The following CMTM1 variants were observed in gnomAD, a reference collection of about 807,000 sequenced individuals.
CMTM1 encodes the protein CKLF-like MARVEL transmembrane domain-containing protein 1.
CMTM1 carries 16 observed loss-of-function variants against 17.8 expected under a neutral mutation model. The ratio of observed to expected loss-of-function variants is 0.90; its 90% CI spans 0.61 to 1.37. CMTM1 has a LOEUF of 1.37. CMTM1 is among the 40% of genes most tolerant of loss of function. CMTM1 has a pLI of 0.00. For missense variants in CMTM1, 354 were observed against 375.6 expected (o/e 0.94, Z 0.47); for synonymous variants, 169 against 154.6 (o/e 1.09, Z -0.69).
chr16:66,570,278 A>C (rs781517149), intron 2 of CMTM1, among the ~76,000 whole-genome samples, 184 bp downstream of exon 2: 1 of 152,148 alleles, frequency 6.6e-6, no homozygotes, highest in Non-Finnish European at 1.5e-5. Context: ...AGGACAGCCA[A>C]CACACCGCTG....
intron 1 of CMTM1, among the ~76,000 whole-genome samples, chr16:66,568,533 A>C (rs1185239228): frequency 6.6e-6 from 1 of 152,174 alleles, no homozygotes; most frequent in Non-Finnish European, 1.5e-5. Flanking sequence ...TGATGCCTAC[A>C]CCATGAGTCA....
chr16:66,577,030 G>GTAAT lies in CMTM1; in HGVS notation c.592-72_592-69dup. 4 of 1,374,086 alleles carry GTAAT rather than the reference G, an allele frequency of 2.9e-6. No individual in the cohort carries two copies. In the South Asian group the frequency reaches 5.1e-5, roughly 17 times the overall value. The allele number at this position is 1,374,086 out of a possible 1,614,324, so 85.1% of individuals were successfully genotyped here. A position where few individuals can be genotyped will look rare whatever the true frequency, so the allele number is the denominator to read the frequency against. On this transcript the variant is annotated intron_variant, in intron 2 of 3. Coordinates refer to ENST00000379500, the MANE Select transcript of CMTM1 (RefSeq NM_052999.4). Reference sequence around the variant, plus strand: ...TTTAAAGGCATCTATTCTTAGATGTGTAATTGACCAGTTTAAATATTTGTG... The same window carrying GTAAT: ...TTTAAAGGCATCTATTCTTAGATGTGTAATTAATTGACCAGTTTAAATATTTGTG...
Position 66,578,923 on chromosome 16 carries a change from C to A in CMTM1, c.783C>A (p.Val261=). The change falls in exon 4 of 4, where the codon GTC becomes GTA. Residue 261 remains valine, a synonymous_variant. Coordinates refer to ENST00000379500, the MANE Select transcript of CMTM1 (RefSeq NM_052999.4). ...MRTNLKRFLG[V]EVERKLSPAK... is the part of the protein sequence containing the mutation. The stretch of plus-strand genomic sequence containing the variant: ...CCAACTTGAAAAGATTCCTGGGAGT[C>A]GAAGTTGAAAGGAAGCTTTCCCCCG... 6.2e-7 allele frequency: 1 copy of A among 1,614,144 alleles called. No individual in the cohort carries two copies. The highest frequency in any genetic ancestry group is 8.5e-7 in the Non-Finnish European group (1 of 1,180,020).
rs201681581 is a variant in CMTM1 at position 66,566,484 on chromosome 16, G to A, written c.-30G>A. ...AGAGCCAGCCGCTGCCGCGGCACTG[G>A]TTCAGACGGCCAGGCCCTAGGGACC... On this transcript the variant is annotated 5_prime_UTR_variant, in exon 1 of 4. Coordinates refer to ENST00000379500, the MANE Select transcript of CMTM1 (RefSeq NM_052999.4). This position sits in a 1 kb window ranked among gnomAD's most constrained non-coding sequence, Gnocchi z 4.9. 8.6e-4 allele frequency: 1,348 copies of A among 1,559,382 alleles called. 5 individuals are homozygous for A. Among genetic ancestry groups the A allele is most frequent in the South Asian group, 2.0e-3 (166 of 84,028 alleles).
intron 3 of CMTM1, among the ~76,000 whole-genome samples, chr16:66,578,592 C>T (rs1010722589): frequency 6.6e-6 from 1 of 152,220 alleles, no homozygotes; most frequent in Non-Finnish European, 1.5e-5. Flanking sequence ...GTGCCTCAGA[C>T]ATCAAGCGAG....
intron 2 of CMTM1, among the ~76,000 whole-genome samples, chr16:66,573,510 A>C (rs1353706299): frequency 1.1e-4 from 17 of 152,330 alleles, no homozygotes; most frequent in South Asian, 8.3e-4. Context: ...CTGGTGAAGC[A>C]GATGTTTTTG....
At chr16:66,569,760 T>A (rs1016310144) in intron 1 of CMTM1, among the ~76,000 whole-genome samples, 176 bp from the exon 2 acceptor site, 3 of 152,014 alleles carry the variant, frequency 2.0e-5, no homozygotes, top group African/African-American at 7.2e-5. Context: ...CCTTCTATAC[T>A]GTGTGCTTTT....
chr16:66,569,183 A>G (rs1482184449), intron 1 of CMTM1, among the ~76,000 whole-genome samples: 14 of 152,256 alleles, frequency 9.2e-5, no homozygotes, highest in Non-Finnish European at 1.6e-4. Flanking sequence ...AAACCACTAA[A>G]ATAACTGGAA....
At chr16:66,578,483 C>A (rs190345126) in intron 3 of CMTM1, among the ~76,000 whole-genome samples, 367 of 152,294 alleles carry the variant, frequency 2.4e-3, no homozygotes, top group Non-Finnish European at 4.3e-3. Context: ...CTGCCCTTTG[C>A]AAACATAGCC....
chr16:66,576,685 A>G (rs2014288032), intron 2 of CMTM1, among the ~76,000 whole-genome samples: 1 of 152,230 alleles, frequency 6.6e-6, no homozygotes, highest in African/African-American at 2.4e-5. Flanking sequence ...TTTTATTTTT[A>G]TATTAAAACA....
At chr16:66,573,154 C>T (rs2144648606) in intron 2 of CMTM1, among the ~76,000 whole-genome samples, 1 of 152,268 alleles carries the variant, frequency 6.6e-6, no homozygotes, top group Non-Finnish European at 1.5e-5. Context: ...GGGCTCTTGG[C>T]GTTCTTGATT....
chr16:66,572,345 T>C (rs2013671307), intron 2 of CMTM1, among the ~76,000 whole-genome samples: 1 of 152,250 alleles, frequency 6.6e-6, no homozygotes, highest in African/African-American at 2.4e-5. Context: ...TTGTGTTCTC[T>C]TCTCCTATCC....
intron 2 of CMTM1, among the ~76,000 whole-genome samples, chr16:66,572,247 T>C (rs1259947000): frequency 6.6e-6 from 1 of 152,202 alleles, no homozygotes; most frequent in Non-Finnish European, 1.5e-5. Flanking sequence ...GCAGGACACA[T>C]ACTGAGCAAC....
Position 66,566,818 on chromosome 16 carries a change from C to G in CMTM1, c.305C>G (p.Ser102Cys). The change falls in exon 1 of 4, where the codon TCC becomes TGC. Residue 102 changes from serine to cysteine, a missense_variant. Ser to Cys is a moderately radical substitution (Grantham distance 112). Transcript: ENST00000379500. This position sits in a 1 kb window ranked among gnomAD's most constrained non-coding sequence, Gnocchi z 4.9. The stretch of plus-strand genomic sequence containing the variant: ...CCCACGCCCTCTGCACACACTGAAT[C>G]CAAACTCTTAAATGAGATGGCGATC... ...PPPTPSAHTE[S>C]KLLNEMAIKE... The G allele has an allele frequency of 1.2e-6, 2 of 1,612,590 alleles. No individual in the cohort carries two copies. Among genetic ancestry groups the G allele is most frequent in the Non-Finnish European group, 1.7e-6 (2 of 1,179,936 alleles).
intron 1 of CMTM1, among the ~76,000 whole-genome samples, chr16:66,568,830 G>A (rs1316558561): frequency 2.0e-5 from 3 of 150,812 alleles, no homozygotes; most frequent in African/African-American, 4.9e-5. Context: ...AGGTTGCAGT[G>A]AGCTGAGATC....
In CMTM1 at chr16:66,566,854, T is replaced by G; in HGVS notation, c.341T>G (p.Val114Gly). Reference sequence around the variant, plus strand: ...AATGAGATGGCGATCAAAGAGCGCGTGGAGGGCCGAGCCAAAGTCCCGTAC... The same window carrying G: ...AATGAGATGGCGATCAAAGAGCGCGGGGAGGGCCGAGCCAAAGTCCCGTAC... ...LLNEMAIKER[V>G]EGRAKVPYKF... The change falls in exon 1 of 4, where the codon GTG (valine) becomes GGG (glycine). Residue 114 changes from valine (V) to glycine (G), a missense_variant. Val to Gly is a moderately radical substitution (Grantham distance 109). Transcript: ENST00000379500. This position sits in a 1 kb window ranked among gnomAD's most constrained non-coding sequence, Gnocchi z 4.9. The G allele has an allele frequency of 6.2e-7, 1 of 1,611,750 alleles. No individual in the cohort carries two copies. Among genetic ancestry groups the G allele is most frequent in the Non-Finnish European group, 8.5e-7 (1 of 1,179,906 alleles).
chr16:66,576,242 A>G (rs2144672938), intron 2 of CMTM1, among the ~76,000 whole-genome samples: 1 of 152,288 alleles, frequency 6.6e-6, no homozygotes, highest in South Asian at 2.1e-4. Context: ...ACTAAAAAAT[A>G]CAAAAATTAG....
chr16:66,571,304 C>A, intron 2 of CMTM1: 1 of 400,132 alleles, frequency 2.5e-6, no homozygotes. Context: ...ATACCATGTG[C>A]CAGATACTTT....
Position 66,566,606 on chromosome 16 carries a change from C to A in CMTM1, c.93C>A (p.Gly31=). ...PETAAALASS[G]SVVSSVPKAQ... ...CTGCCGCAGCCCTGGCAAGTAGCGG[C>A]AGCGTAGTGAGTTCTGTACCCAAGG... The change falls in exon 1 of 4, where the codon GGC becomes GGA. Residue 31 remains glycine (G), a synonymous_variant. Coordinates refer to ENST00000379500, the MANE Select transcript of CMTM1 (RefSeq NM_052999.4). This position sits in a 1 kb window ranked among gnomAD's most constrained non-coding sequence, Gnocchi z 4.9. 6.2e-7 allele frequency: 1 copy of A among 1,614,030 alleles called. No homozygotes were observed. The highest frequency in any genetic ancestry group is 8.5e-7 in the Non-Finnish European group (1 of 1,179,972).
Sources: allele counts gnomAD v4.1 joint callset (sites outside exome capture counted in the v4.1 genomes callset), GRCh38; gene constraint gnomAD v4.1.1; non-coding constraint Gnocchi (gnomAD v3.1); transcripts MANE v1.5; gene names NCBI Gene and HGNC (gene_info 2026-07-23, HGNC 2026-07-21).